Variants in MEGF8 observed in about 807,000 individuals in gnomAD.
MEGF8 encodes the protein multiple epidermal growth factor-like domains protein 8.
In MEGF8, 156 loss-of-function variants were observed where a neutral mutation model predicts 302.9. That is an observed-to-expected ratio of 0.52 (90% CI 0.45 to 0.59). The LOEUF (loss-of-function observed/expected upper bound fraction) is 0.59, where lower values mean the gene tolerates loss of function less well. Ranked by LOEUF, MEGF8 falls within the 20% of genes least tolerant of loss-of-function variation. The pLI, the probability that MEGF8 is intolerant of heterozygous loss-of-function variation, is 0.00. For missense variants in MEGF8, 3,345 were observed against 3,964.5 expected, an observed-to-expected ratio of 0.84 and a Z score of 4.20; for synonymous variants, 1,621 against 1,660.5, an observed-to-expected ratio of 0.98 and a Z score of 0.58.
intron 1 of MEGF8, among the ~76,000 whole-genome samples, chr19:42,331,413 C>T (rs1423681884): frequency 6.6e-6 from 1 of 152,180 alleles, no homozygotes; most frequent in Non-Finnish European, 1.5e-5. Flanking sequence ...TAATTTCCCT[C>T]ACCCAGAGGA....
At chr19:42,370,875 G>GGGGGGC (rs2039681168) in intron 40 of MEGF8, 44 bp downstream of exon 40, 1 of 220,540 alleles carries the variant, frequency 4.5e-6, no homozygotes, top group Admixed American at 5.1e-5. Context: ...GGGGGGGGAG[G>GGGGGGC]CCGGGGATCC....
At position 42,356,357 on chromosome 19, in the gene MEGF8, A is replaced by G. The variant is rs771242519; in HGVS notation, c.4526A>G (p.His1509Arg). ...TAGGACACTGCCAGCCGCTTCCTGC[A>G]CCGCCTGGGCCACACCATGGTGGAT... is the stretch of plus-strand genomic sequence containing the variant. The part of the protein sequence containing the change: ...LSADTASRFL[H>R]RLGHTMVDGP... The change falls in exon 26 of 42, where the codon CAC becomes CGC. Residue 1509 changes from histidine to arginine, a missense_variant. By Grantham distance (29) the His-to-Arg change is conservative (BLOSUM62 0). Coordinates refer to ENST00000251268, the MANE Select transcript of MEGF8 (RefSeq NM_001271938.2). The surrounding 1 kb of genome is among the most constrained non-coding windows in gnomAD (Gnocchi z 5.2). 9.3e-6 allele frequency: 15 copies of G among 1,612,954 alleles called. No homozygotes were observed. In the South Asian group the frequency reaches 1.3e-4, roughly 14 times the overall value.
At chr19:42,372,793 T>A (rs1303658270) in intron 41 of MEGF8, among the ~76,000 whole-genome samples, 1 of 151,518 alleles carries the variant, frequency 6.6e-6, no homozygotes, top group East Asian at 2.0e-4. Flanking sequence ...CTGCCTCAGC[T>A]TCCTGAGTAG....
rs868256734 is a variant in MEGF8, at chr19:42,375,329, G to T, written c.7270-178G>T. 9.9e-5 allele frequency among the ~76,000 whole-genome samples: 15 copies of T among 152,232 alleles called. No individual in the cohort carries two copies. In the Middle Eastern group the frequency reaches 0.017, roughly 173 times the overall value. The stretch of plus-strand genomic sequence containing the variant: ...TGCTGGAGTGCCAGGTCCTGGCAAG[G>T]TCTACACTGTGGCAGAGAAGGTCCG... On this transcript the variant is annotated intron_variant, in intron 41 of 41. Transcript: ENST00000251268. The surrounding 1 kb of genome is among the most constrained non-coding windows in gnomAD (Gnocchi z 7.1).
Position 42,354,823 on chromosome 19 carries a change from CTTATGGGGTGATGTAGTCCCT to C in MEGF8, c.4144+104_4144+124del. On this transcript the variant is annotated intron_variant, in intron 23 of 41. Transcript: ENST00000251268. The surrounding 1 kb of genome is among the most constrained non-coding windows in gnomAD (Gnocchi z 4.3). ...GGCTCAGGACCCAGCTCTGCCGCTGCTTATGGGGTGATGTAGTCCCTCACCATCTCTGGACCTCAGTGTCCT... is the reference window on the plus strand; with the variant it reads ...GGCTCAGGACCCAGCTCTGCCGCTGCCACCATCTCTGGACCTCAGTGTCCT... 1 of 1,279,142 alleles carries C rather than the reference CTTATGGGGTGATGTAGTCCCT, an allele frequency of 7.8e-7. No individual in the cohort carries two copies. Among genetic ancestry groups the C allele is most frequent in the African/African-American group, 1.5e-5 (1 of 67,348 alleles). 79.2% of individuals were successfully genotyped at this position (1,279,142 alleles called of 1,614,324 possible). A position where few individuals can be genotyped will look rare whatever the true frequency, so the allele number is the denominator to read the frequency against.
Position 42,369,002 on chromosome 19 carries a change from A to G in MEGF8, c.6641A>G (p.Asn2214Ser). The G allele has an allele frequency of 6.2e-7, 1 of 1,613,268 alleles. No individual in the cohort carries two copies. The change falls in exon 37 of 42, where the codon AAC (asparagine) becomes AGC (serine). Residue 2214 changes from asparagine to serine, a missense_variant and splice_region_variant. Physicochemically the swap from Asn to Ser is conservative, Grantham distance 46. Coordinates refer to ENST00000251268, the MANE Select transcript of MEGF8 (RefSeq NM_001271938.2). This position sits in a 1 kb window ranked among gnomAD's most constrained non-coding sequence, Gnocchi z 5.7. ...TGCAAGACCGGCTATACCATGGACA[A>G]GTGAGGCCGCAGGCGGCGCTGGGGC... ...CSCKTGYTMD[N>S]MTGLCRPVCA...
At chr19:42,337,805 C>A (rs895231740) in intron 8 of MEGF8, among the ~76,000 whole-genome samples, 3 of 150,394 alleles carry the variant, frequency 2.0e-5, no homozygotes, top group Admixed American at 6.6e-5. Flanking sequence ...CATGCCCGGC[C>A]TCTTTTCTTT....
chr19:42,336,359 T>A lies in MEGF8; in HGVS notation c.1244+13T>A. The A allele has an allele frequency of 1.3e-6, 2 of 1,575,430 alleles. No homozygotes were observed. Among genetic ancestry groups the A allele is most frequent in the Non-Finnish European group, 1.7e-6 (2 of 1,161,260 alleles). ...CCTCCACTGCCCGGTAAGTGACCTG[T>A]CCCATAACCCATGCTCCACAGGCCA... On this transcript the variant is annotated intron_variant, in intron 6 of 41. Transcript: ENST00000251268. The surrounding 1 kb of genome is among the most constrained non-coding windows in gnomAD (Gnocchi z 4.8).
Position 42,356,051 on chromosome 19 carries a change from A to G in MEGF8, c.4393-32A>G. On this transcript the variant is annotated intron_variant, in intron 24 of 41. Transcript: ENST00000251268. The surrounding 1 kb of genome is among the most constrained non-coding windows in gnomAD (Gnocchi z 5.2). ...GTCTGGTGGGACAGGGCTGGTGATC[A>G]GGGCTCCCCTGAGTCCCTTGTCATC... 1.3e-6 allele frequency: 2 copies of G among 1,597,264 alleles called. No homozygotes were observed. Among genetic ancestry groups the G allele is most frequent in the Non-Finnish European group, 1.7e-6 (2 of 1,168,460 alleles).
rs1600033566 is a variant in MEGF8, at chr19:42,344,615, A to G, written c.1933+30A>G. 1 of 1,572,806 alleles carries G rather than the reference A, an allele frequency of 6.4e-7. No individual in the cohort carries two copies. Among genetic ancestry groups the G allele is most frequent in the Non-Finnish European group, 8.6e-7 (1 of 1,157,234 alleles). ...GTGTCCGCAGCAGTGGGCCGGCAGGAGGGGGCCAGAGCACTCCACACTGAC... is the reference window on the plus strand; with the variant it reads ...GTGTCCGCAGCAGTGGGCCGGCAGGGGGGGGCCAGAGCACTCCACACTGAC... On this transcript the variant is annotated intron_variant, in intron 11 of 41. Coordinates refer to ENST00000251268, the MANE Select transcript of MEGF8 (RefSeq NM_001271938.2). The surrounding 1 kb of genome is among the most constrained non-coding windows in gnomAD (Gnocchi z 4.5).
chr19:42,374,974 C>T (rs987160800), intron 41 of MEGF8, among the ~76,000 whole-genome samples: 1 of 152,146 alleles, frequency 6.6e-6, no homozygotes, highest in African/African-American at 2.4e-5. Context: ...GAGGGTCCGC[C>T]AGTGCAAAGG....
chr19:42,369,620 T>C lies in MEGF8; in HGVS notation c.6731T>C (p.Phe2244Ser). The C allele has an allele frequency of 6.2e-7, 1 of 1,613,090 alleles. No homozygotes were observed. Among genetic ancestry groups the C allele is most frequent in the Non-Finnish European group, 8.5e-7 (1 of 1,179,794 alleles). The change falls in exon 38 of 42, where the codon TTT becomes TCT. Residue 2244 changes from phenylalanine to serine, a missense_variant. Phe to Ser is a radical substitution (Grantham distance 155). Transcript: ENST00000251268. The surrounding 1 kb of genome is among the most constrained non-coding windows in gnomAD (Gnocchi z 5.7). ...EPDHCRCHFG[F>S]VGRNCSTECR... ...GACCACTGCCGCTGCCACTTTGGCTTTGTGGGCCGCAACTGCTCCACGGAA... is the reference window on the plus strand; with the variant it reads ...GACCACTGCCGCTGCCACTTTGGCTCTGTGGGCCGCAACTGCTCCACGGAA...
At position 42,360,980 on chromosome 19, in the gene MEGF8, C is replaced by G. The variant is rs1449130372; in HGVS notation, c.5694C>G (p.Ala1898=). The G allele has an allele frequency of 6.4e-7, 1 of 1,567,492 alleles. No individual in the cohort carries two copies. The highest frequency in any genetic ancestry group is 8.7e-7 in the Non-Finnish European group (1 of 1,154,786). ...GGGCCTGCACCTGGTGCCATGGGGC[C>G]TGCTTGTCCGGGGATCAGGCCCACA... is the stretch of plus-strand genomic sequence containing the variant. ...QSGACTWCHG[A]CLSGDQAHRL... The change falls in exon 32 of 42, where the codon GCC becomes GCG. Residue 1898 remains alanine (A), a synonymous_variant. Transcript: ENST00000251268.
chr19:42,335,230 CG>C lies in MEGF8; in HGVS notation c.739+16del. On this transcript the variant is annotated intron_variant, in intron 4 of 41. Coordinates refer to ENST00000251268, the MANE Select transcript of MEGF8 (RefSeq NM_001271938.2). ...AGTTTTCGGAGGTGAGCAGATGGGGCGAGTATCTGGGATCTGGAGGCCCGGC... is the reference window on the plus strand; with the variant it reads ...AGTTTTCGGAGGTGAGCAGATGGGGCAGTATCTGGGATCTGGAGGCCCGGC... 1 of 1,613,962 alleles carries C rather than the reference CG, an allele frequency of 6.2e-7. No homozygotes were observed. Among genetic ancestry groups the C allele is most frequent in the Non-Finnish European group, 8.5e-7 (1 of 1,179,874 alleles).
chr19:42,351,633 C>T lies in MEGF8; in HGVS notation c.2988-15C>T. The stretch of plus-strand genomic sequence containing the variant: ...AGGGGCTGGGGCTCTGACCCCCACC[C>T]CTGCCATCCTGCAGTGTACACTCGG... On this transcript the variant is annotated splice_polypyrimidine_tract_variant and intron_variant, in intron 17 of 41. Transcript: ENST00000251268. The surrounding 1 kb of genome is among the most constrained non-coding windows in gnomAD (Gnocchi z 5.6). 1 of 1,590,206 alleles carries T rather than the reference C, an allele frequency of 6.3e-7. No individual in the cohort carries two copies. The highest frequency in any genetic ancestry group is 8.6e-7 in the Non-Finnish European group (1 of 1,168,996).
Position 42,360,884 on chromosome 19 carries a change from C to T in MEGF8, c.5598C>T (p.Arg1866=). ...GTTTCGGGGGAGTGGCCCTGGGCCG[C>T]CTGCTGGCACTGACCCTGCCCCCTG... ...SGGFGGVALG[R]LLALTLPPDP... Residue 1866 remains arginine (R), a synonymous_variant, in exon 32 of 42, where the codon CGC becomes CGT. Transcript: ENST00000251268. 6.2e-7 allele frequency: 1 copy of T among 1,613,520 alleles called. No homozygotes were observed. Among genetic ancestry groups the T allele is most frequent in the Non-Finnish European group, 8.5e-7 (1 of 1,179,882 alleles).
Position 42,369,049 on chromosome 19 carries a change from GTC to G in MEGF8, c.6641+49_6641+50del, listed in dbSNP as rs764679915. On this transcript the variant is annotated intron_variant, in intron 37 of 41. Coordinates refer to ENST00000251268, the MANE Select transcript of MEGF8 (RefSeq NM_001271938.2). The surrounding 1 kb of genome is among the most constrained non-coding windows in gnomAD (Gnocchi z 5.7). ...GGGCCAGGCAGGCTAGGGTGGGAGA[GTC>G]TGTGGGGAGCAGTAATGGATGAGGC... 5.0e-6 allele frequency: 8 copies of G among 1,600,746 alleles called. No individual in the cohort carries two copies. In the South Asian group the frequency reaches 8.9e-5, roughly 18 times the overall value.
Position 42,362,179 on chromosome 19 carries a change from G to T in MEGF8, c.5810G>T (p.Arg1937Leu). ...CGGACCTGCAGTGAGTGCCTGGCCC[G>T]CCATCCTCGGACCCTGCAACCTGGA... ...RLRTCSECLARHPRTLQPGDG... is the reference protein window; with the variant it reads ...RLRTCSECLALHPRTLQPGDG... Residue 1937 changes from arginine to leucine, a missense_variant, in exon 33 of 42, where the codon CGC becomes CTC. By Grantham distance (102) the Arg-to-Leu change is moderately radical (BLOSUM62 -2). Coordinates refer to ENST00000251268, the MANE Select transcript of MEGF8 (RefSeq NM_001271938.2). 1 of 1,609,892 alleles carries T rather than the reference G, an allele frequency of 6.2e-7. No individual in the cohort carries two copies. The highest frequency in any genetic ancestry group is 8.5e-7 in the Non-Finnish European group (1 of 1,178,694).
At chr19:42,343,668 G>C (rs1454296405) in intron 9 of MEGF8, 37 bp downstream of exon 9, 1 of 1,562,420 alleles carries the variant, frequency 6.4e-7, no homozygotes, top group African/African-American at 1.4e-5. Flanking sequence ...GTGGCTGGGG[G>C]GAGGAGGTAG....
Sources: gnomAD v4.1 joint callset for allele counts (sites outside exome capture counted in the v4.1 genomes callset) on GRCh38, gnomAD v4.1.1 for gene constraint, Gnocchi (gnomAD v3.1) non-coding constraint, MANE v1.5 for transcripts, NCBI Gene and HGNC (gene_info 2026-07-23, HGNC 2026-07-21) for gene names.